Variants in SCAPER observed in about 807,000 individuals in gnomAD.
SCAPER encodes S-phase cyclin A associated protein in the ER, also known as S phase cyclin A-associated protein in the endoplasmic reticulum.
In SCAPER, 98 loss-of-function variants were observed where a neutral mutation model predicts 182.2. That is an observed-to-expected ratio of 0.54 (90% CI 0.46 to 0.64). The LOEUF is 0.64. SCAPER is among the 30% of genes least tolerant of loss of function. SCAPER has a pLI of 0.00. For synonymous variants in SCAPER, 605 were observed against 564.6 expected, an observed-to-expected ratio of 1.07 and a Z score of -1.01; for missense variants, 1,432 against 1,690.0, an observed-to-expected ratio of 0.85 and a Z score of 2.68.
At chr15:76,379,948 T>C (rs544498551) in intron 28 of SCAPER, 5 of 152,164 alleles carry the variant, frequency 3.3e-5, no homozygotes, top group Non-Finnish European at 5.9e-5. Flanking sequence ...TGGAGTCCCC[T>C]GTAGCAGTAT....
intron 22 of SCAPER, among the ~76,000 whole-genome samples, chr15:76,579,265 CA>C (rs71143342): frequency 0.01 from 503 of 49,438 alleles, no homozygotes; most frequent in African/African-American, 0.034. Flanking sequence ...GACTCTGTCT[CA>C]AAAAAAAAAA....
rs1161478307 is a variant in SCAPER at position 76,579,046 on chromosome 15, C to A, written c.2712-4762G>T. ...CTTTGGGAGGCTGAGGCGGGCAGAT[C>A]ACAAGGACAGGAGATCGAGACAATC... On this transcript the variant is annotated intron_variant, in intron 22 of 31. Coordinates refer to ENST00000563290, the MANE Select transcript of SCAPER (RefSeq NM_020843.4). 3.9e-5 allele frequency among the ~76,000 whole-genome samples: 6 copies of A among 152,006 alleles called. No homozygotes were observed. The East Asian group carries it at 7.7e-4, about 20-fold the overall frequency.
At chr15:76,797,770 G>A (rs1404825064) in intron 7 of SCAPER, among the ~76,000 whole-genome samples, 1 of 152,122 alleles carries the variant, frequency 6.6e-6, no homozygotes, top group Non-Finnish European at 1.5e-5. Flanking sequence ...CTCATGTTGT[G>A]TGTACCCATG....
At chr15:76,420,865 G>T (rs1462696843) in intron 26 of SCAPER, among the ~76,000 whole-genome samples, 1 of 152,178 alleles carries the variant, frequency 6.6e-6, no homozygotes, top group Non-Finnish European at 1.5e-5. Context: ...GTGAGAACAT[G>T]CGGTGTTTGG....
chr15:76,707,211 G>T (rs1354314961), intron 17 of SCAPER, among the ~76,000 whole-genome samples: 1 of 151,822 alleles, frequency 6.6e-6, no homozygotes, highest in Non-Finnish European at 1.5e-5. Flanking sequence ...AAGAACAAAA[G>T]GTAAAGGAGA....
intron 2 of SCAPER, among the ~76,000 whole-genome samples, chr15:76,865,297 A>C (rs1266297972): frequency 2.0e-5 from 3 of 152,140 alleles, no homozygotes; most frequent in Non-Finnish European, 2.9e-5. Context: ...GGGAAAAATC[A>C]ACTCATTACC....
At chr15:76,900,209 C>G (rs981415001) in intron 1 of SCAPER, among the ~76,000 whole-genome samples, 5 of 151,846 alleles carry the variant, frequency 3.3e-5, no homozygotes, top group Admixed American at 2.0e-4. Context: ...GGCCGAAGGC[C>G]GCAGGGACCT....
chr15:76,678,899 T>C (rs965950955), intron 20 of SCAPER, among the ~76,000 whole-genome samples: 1 of 152,144 alleles, frequency 6.6e-6, no homozygotes, highest in Admixed American at 6.5e-5. Flanking sequence ...TGCTAACTGC[T>C]TAAGTTAAGG....
intron 23 of SCAPER, among the ~76,000 whole-genome samples, chr15:76,548,548 G>C (rs1269954373): frequency 6.6e-6 from 1 of 152,146 alleles, no homozygotes; most frequent in African/African-American, 2.4e-5. Context: ...AGTTATCTTG[G>C]GGTAAACACT....
chr15:76,511,845 G>A (rs283801), intron 23 of SCAPER, among the ~76,000 whole-genome samples: 9 of 88,384 alleles, frequency 1.0e-4, no homozygotes, highest in East Asian at 9.5e-4. Context: ...ATATATATAT[G>A]TGTGTGTGTG....
At chr15:76,647,571 G>C (rs1353985671) in intron 21 of SCAPER, among the ~76,000 whole-genome samples, 3 of 152,180 alleles carry the variant, frequency 2.0e-5, no homozygotes, top group African/African-American at 7.2e-5. Context: ...GAAAAAGTTG[G>C]AATTTGTGGG....
chr15:76,769,463 A>G (rs2063325875), intron 10 of SCAPER, among the ~76,000 whole-genome samples: 1 of 140,000 alleles, frequency 7.1e-6, no homozygotes, highest in South Asian at 2.3e-4. Flanking sequence ...AAAAAAAAAA[A>G]GAGAGTGAAA....
intron 2 of SCAPER, among the ~76,000 whole-genome samples, chr15:76,865,258 A>C (rs1183766527): frequency 6.6e-6 from 1 of 152,182 alleles, no homozygotes; most frequent in Non-Finnish European, 1.5e-5. Flanking sequence ...AAACTGAAAC[A>C]AAGAGAAAAA....
intron 24 of SCAPER, chr15:76,472,424 A>T: frequency 1.7e-6 from 1 of 598,188 alleles, no homozygotes; most frequent in Non-Finnish European, 3.1e-6. Context: ...TTGAAATACT[A>T]TTTTTACGAA....
At chr15:76,856,225 A>G (rs919208494) in intron 4 of SCAPER, among the ~76,000 whole-genome samples, 1 of 152,114 alleles carries the variant, frequency 6.6e-6, no homozygotes, top group African/African-American at 2.4e-5. Context: ...ATAAGAACTC[A>G]TGAACACAAA....
At chr15:76,553,217 C>A (rs1327515804) in intron 23 of SCAPER, among the ~76,000 whole-genome samples, 2 of 152,230 alleles carry the variant, frequency 1.3e-5, no homozygotes, top group African/African-American at 4.8e-5. Flanking sequence ...CAGTCCACCA[C>A]GTAGAGCATG....
chr15:76,495,993 G>GACACACACACACACAC (rs971206080), intron 24 of SCAPER, among the ~76,000 whole-genome samples: 1 of 58,462 alleles, frequency 1.7e-5, no homozygotes, highest in African/African-American at 5.7e-5. Flanking sequence ...AAAAGAGAGA[G>GACACACACACACACAC]ACACACACAC....
chr15:76,364,481 A>G (rs1438660798), intron 29 of SCAPER, among the ~76,000 whole-genome samples: 1 of 152,172 alleles, frequency 6.6e-6, no homozygotes, highest in African/African-American at 2.4e-5. Context: ...TAAAGAAACA[A>G]GGGCTTTTCT....
intron 25 of SCAPER, among the ~76,000 whole-genome samples, chr15:76,454,467 T>C (rs757146110): frequency 1.3e-5 from 2 of 152,222 alleles, no homozygotes; most frequent in African/African-American, 4.8e-5. Context: ...CCCATCTCCC[T>C]AACCTAGTAA....
Sources: gnomAD v4.1 joint callset for allele counts (sites outside exome capture counted in the v4.1 genomes callset) on GRCh38, gnomAD v4.1.1 for gene constraint, MANE v1.5 for transcripts, NCBI Gene and HGNC (gene_info 2026-07-23, HGNC 2026-07-21) for gene names.